The following ZNF609 variants were observed in gnomAD, a reference collection of about 807,000 sequenced individuals.
ZNF609 encodes zinc finger protein 609.
Under a neutral mutation model 109.5 loss-of-function variants are expected in ZNF609, and 11 were observed. The observed-to-expected ratio is 0.10, with a 90% CI of 0.06 to 0.17. The LOEUF (loss-of-function observed/expected upper bound fraction) is 0.17. Ranked by LOEUF, ZNF609 falls within the 10% of genes least tolerant of loss-of-function variation. ZNF609 has a pLI of 1.00. For synonymous variants in ZNF609, 646 were observed against 662.0 expected (o/e 0.98, Z 0.37); for missense variants, 1,559 against 1,772.4 (o/e 0.88, Z 2.16).
chr15:64,674,913 T>C lies in ZNF609; in HGVS notation c.2059T>C (p.Leu687=). The part of the protein sequence containing the change: ...TAASPGSSSG[L]TATVAQAMPN... ...AGCGAGCCCAGGCTCTTCCTCAGGC[T>C]TGACCGCCACAGTGGCACAAGCCAT... is the stretch of plus-strand genomic sequence containing the variant. The change falls in exon 5 of 10, where the codon TTG becomes CTG. Residue 687 remains leucine (L), a synonymous_variant. Coordinates refer to ENST00000326648, the MANE Select transcript of ZNF609 (RefSeq NM_015042.2). 6.2e-7 allele frequency: 1 copy of C among 1,614,052 alleles called. No individual in the cohort carries two copies.
At chr15:64,596,109 T>G (rs774070676) in intron 2 of ZNF609, among the ~76,000 whole-genome samples, 8 of 152,140 alleles carry the variant, frequency 5.3e-5, no homozygotes, top group Non-Finnish European at 1.0e-4. Flanking sequence ...TCTAGTAATA[T>G]GAAATGAAAT....
intron 3 of ZNF609, among the ~76,000 whole-genome samples, chr15:64,625,643 C>A (rs1895941225): frequency 6.6e-6 from 1 of 151,846 alleles, no homozygotes; most frequent in African/African-American, 2.4e-5. Flanking sequence ...GTAATCCCAG[C>A]ACTTTAGGAG....
chr15:64,621,182 C>T (rs963126694), intron 2 of ZNF609, among the ~76,000 whole-genome samples: 1 of 152,196 alleles, frequency 6.6e-6, no homozygotes, highest in African/African-American at 2.4e-5. Context: ...TAGTATCATA[C>T]TTAATCTTCG....
chr15:64,600,848 G>T (rs1439838571), intron 2 of ZNF609, among the ~76,000 whole-genome samples: 1 of 152,134 alleles, frequency 6.6e-6, no homozygotes, highest in African/African-American at 2.4e-5. Flanking sequence ...TTGTTGGTCT[G>T]TTTTAGAAGA....
intron 3 of ZNF609, among the ~76,000 whole-genome samples, chr15:64,643,062 C>T (rs2140991528): frequency 6.6e-6 from 1 of 152,290 alleles, no homozygotes; most frequent in Admixed American, 6.5e-5. Flanking sequence ...TCTCTAATCA[C>T]ATGTCAAAGT....
chr15:64,468,430 G>T (rs985771950), intron 1 of ZNF609, among the ~76,000 whole-genome samples: 4 of 151,126 alleles, frequency 2.6e-5, no homozygotes, highest in Non-Finnish European at 2.9e-5. Context: ...TAATTTTTTT[G>T]TGTGTTTTTT....
Position 64,670,353 on chromosome 15 carries a change from G to C in ZNF609, c.981G>C (p.Leu327Phe). Reference protein sequence around the residue: ...IVWQETEDGMLVVNVTWRNKT... With the variant: ...IVWQETEDGMFVVNVTWRNKT... ...TGTGCTCTTATTTTCCAGGGATGTTGGTGGTAAATGTAACGTGGAGGAACA... is the reference window on the plus strand; with the variant it reads ...TGTGCTCTTATTTTCCAGGGATGTTCGTGGTAAATGTAACGTGGAGGAACA... The change falls in exon 4 of 10, where the codon TTG becomes TTC. Residue 327 changes from leucine (L) to phenylalanine (F), a missense_variant. By Grantham distance (22) the Leu-to-Phe change is conservative. Coordinates refer to ENST00000326648, the MANE Select transcript of ZNF609 (RefSeq NM_015042.2). 1 of 1,613,828 alleles carries C rather than the reference G, an allele frequency of 6.2e-7. No individual in the cohort carries two copies. The highest frequency in any genetic ancestry group is 8.5e-7 in the Non-Finnish European group (1 of 1,179,780).
chr15:64,474,398 C>T (rs1893136440), intron 1 of ZNF609, among the ~76,000 whole-genome samples: 2 of 148,028 alleles, frequency 1.4e-5, no homozygotes, highest in African/African-American at 2.5e-5. Context: ...TTTTTAGTAG[C>T]GACGGGGTTT....
chr15:64,534,733 T>C (rs566922768), intron 2 of ZNF609, among the ~76,000 whole-genome samples: 5 of 152,174 alleles, frequency 3.3e-5, no homozygotes, highest in South Asian at 2.1e-4. Flanking sequence ...AATTTTGTTA[T>C]ATAAAAACTG....
At chr15:64,598,780 A>ATATATATC (rs1895443433) in intron 2 of ZNF609, among the ~76,000 whole-genome samples, 2 of 133,224 alleles carry the variant, frequency 1.5e-5, no homozygotes, top group African/African-American at 5.9e-5. Flanking sequence ...ATATATATAT[A>ATATATATC]TATATATCCT....
At chr15:64,546,813 CAG>C (rs1393522108) in intron 2 of ZNF609, among the ~76,000 whole-genome samples, 1 of 110,988 alleles carries the variant, frequency 9.0e-6, no homozygotes, top group African/African-American at 3.7e-5. Flanking sequence ...TTTTTTGAGA[CAG>C]AGTCTCGCCC....
chr15:64,681,313 T>G lies in ZNF609; in HGVS notation c.4167T>G (p.Leu1389=), dbSNP rs749410834. ...CATGTTCTCCTGCTTATTCAGGGCT[T>G]TCTTCTACAGCCATTGTTGCCAGCC... ...AQYNLPYAAG[L]SSTAIVASQQ... is the part of the protein sequence containing the mutation. Residue 1389 remains leucine (L), a synonymous_variant, in exon 9 of 10, where the codon CTT becomes CTG. Coordinates refer to ENST00000326648, the MANE Select transcript of ZNF609 (RefSeq NM_015042.2). 4.3e-6 allele frequency: 7 copies of G among 1,613,952 alleles called. No homozygotes were observed. Among genetic ancestry groups the G allele is most frequent in the Non-Finnish European group, 1.7e-6 (2 of 1,179,876 alleles).
At chr15:64,592,860 C>T in intron 2 of ZNF609, 1 of 584,610 alleles carries the variant, frequency 1.7e-6, no homozygotes, top group African/African-American at 1.9e-5. Context: ...TTGCAGTGAG[C>T]TGGGATCGCG....
chr15:64,537,860 G>T (rs1479622757), intron 2 of ZNF609, among the ~76,000 whole-genome samples: 1 of 152,138 alleles, frequency 6.6e-6, no homozygotes, highest in Non-Finnish European at 1.5e-5. Context: ...ACTTTGCAAA[G>T]GAGGCTGAGG....
intron 2 of ZNF609, among the ~76,000 whole-genome samples, chr15:64,571,694 C>A (rs532563613): frequency 3.3e-5 from 5 of 152,108 alleles, no homozygotes; most frequent in African/African-American, 4.8e-5. Flanking sequence ...CAGTCTCACT[C>A]TGTCACCCAG....
Position 64,546,616 on chromosome 15 carries a change from G to A in ZNF609, c.747+46450G>A, listed in dbSNP as rs560349112. ...GCCTGCTGAGTAGCTGGGACAACAG[G>A]TGCATGCCACTATGCCCAGCTAATT... On this transcript the variant is annotated intron_variant, in intron 2 of 9. Coordinates refer to ENST00000326648, the MANE Select transcript of ZNF609 (RefSeq NM_015042.2). Among the ~76,000 whole-genome samples the A allele has an allele frequency of 2.9e-4, 44 of 151,798 alleles. 1 individual carries two copies. In the South Asian group the frequency reaches 9.2e-3, roughly 32 times the overall value.
chr15:64,534,580 G>T (rs912878029), intron 2 of ZNF609, among the ~76,000 whole-genome samples: 1 of 152,050 alleles, frequency 6.6e-6, no homozygotes, highest in Non-Finnish European at 1.5e-5. Flanking sequence ...CTCCCAAAGT[G>T]CTGGGATCAT....
At chr15:64,579,341 G>T (rs1040798610) in intron 2 of ZNF609, among the ~76,000 whole-genome samples, 5 of 150,780 alleles carry the variant, frequency 3.3e-5, no homozygotes, top group Non-Finnish European at 7.4e-5. Context: ...AGCCCAGGAG[G>T]TCAAGCTGCA....
intron 2 of ZNF609, among the ~76,000 whole-genome samples, chr15:64,578,673 C>T (rs1330277634): frequency 5.3e-5 from 8 of 152,218 alleles, no homozygotes; most frequent in Admixed American, 1.3e-4. Context: ...GCCTGGGCGA[C>T]GGAACAAGAC....
Sources: gnomAD v4.1 joint callset for allele counts (sites outside exome capture counted in the v4.1 genomes callset) on GRCh38, gnomAD v4.1.1 for gene constraint, MANE v1.5 for transcripts, NCBI Gene and HGNC (gene_info 2026-07-23, HGNC 2026-07-21) for gene names.